The following TLL1 variants were observed in gnomAD, a reference collection of about 807,000 sequenced individuals.
TLL1 encodes tolloid-like protein 1.
A neutral mutation model predicts 128.2 loss-of-function variants in TLL1; 49 were observed. That is an observed-to-expected ratio of 0.38 (90% CI 0.30 to 0.48). The LOEUF is 0.48. TLL1 is among the 20% of genes least tolerant of loss of function. The pLI is 0.96. For synonymous variants in TLL1, 454 were observed against 418.8 expected (o/e 1.08, Z -1.03); for missense variants, 1,123 against 1,242.0 (o/e 0.90, Z 1.44).
At chr4:165,886,220 T>A (rs1442307942) in intron 1 of TLL1, among the ~76,000 whole-genome samples, 1 of 152,202 alleles carries the variant, frequency 6.6e-6, no homozygotes, top group African/African-American at 2.4e-5. Flanking sequence ...AAGTGTTGGC[T>A]GTTTTGTTTA....
At chr4:166,086,112 G>T (rs890912853) in intron 18 of TLL1, among the ~76,000 whole-genome samples, 1 of 152,100 alleles carries the variant, frequency 6.6e-6, no homozygotes, top group Admixed American at 6.6e-5. Flanking sequence ...AAATTCCTAT[G>T]TGCCCTTTGT....
intron 8 of TLL1, among the ~76,000 whole-genome samples, chr4:166,016,186 T>C (rs114849706): frequency 0.012 from 1,806 of 152,176 alleles, 46 homozygotes; most frequent in African/African-American, 0.04. Context: ...ATGTGGTATA[T>C]TTTTTAAAAT....
chr4:165,978,529 AC>A (rs1735994599), intron 1 of TLL1, among the ~76,000 whole-genome samples: 1 of 152,062 alleles, frequency 6.6e-6, no homozygotes, highest in Non-Finnish European at 1.5e-5. Context: ...ACTGCCTACC[AC>A]CAATAATATG....
At chr4:166,015,204 A>G (rs1170132882) in intron 8 of TLL1, among the ~76,000 whole-genome samples, 3 of 152,040 alleles carry the variant, frequency 2.0e-5, no homozygotes, top group Non-Finnish European at 4.4e-5. Context: ...TACCTCCAGT[A>G]TACTCACAAT....
chr4:166,022,916 T>C (rs1738309160), intron 8 of TLL1, among the ~76,000 whole-genome samples: 1 of 152,228 alleles, frequency 6.6e-6, no homozygotes, highest in Admixed American at 6.5e-5. Flanking sequence ...ATATTAATAA[T>C]TCTTTATGCT....
chr4:166,002,349 TG>T (rs1163022723), intron 5 of TLL1, among the ~76,000 whole-genome samples: 1 of 152,178 alleles, frequency 6.6e-6, no homozygotes, highest in Non-Finnish European at 1.5e-5. Context: ...ATGTGAATTT[TG>T]GGGGGATATA....
intron 15 of TLL1, among the ~76,000 whole-genome samples, chr4:166,064,441 G>A (rs1740481691): frequency 6.6e-6 from 1 of 152,098 alleles, no homozygotes; most frequent in Non-Finnish European, 1.5e-5. Flanking sequence ...TGTTCTGAAA[G>A]CATTATTCTC....
At chr4:165,987,982 G>A (rs1402712434) in intron 1 of TLL1, among the ~76,000 whole-genome samples, 2 of 151,958 alleles carry the variant, frequency 1.3e-5, no homozygotes, top group African/African-American at 4.8e-5. Flanking sequence ...CTGAAGAAAG[G>A]TTTAAAAATA....
intron 1 of TLL1, among the ~76,000 whole-genome samples, chr4:165,897,886 G>C (rs904992562): frequency 1.3e-5 from 2 of 151,968 alleles, no homozygotes; most frequent in African/African-American, 4.8e-5. Flanking sequence ...CCATTTGATT[G>C]TGTCCTCTTT....
chr4:166,008,785 C>T (rs528847526), intron 7 of TLL1, among the ~76,000 whole-genome samples: 38 of 150,546 alleles, frequency 2.5e-4, no homozygotes, highest in African/African-American at 9.0e-4. Flanking sequence ...ATTTTATGCT[C>T]GTATGTCATT....
intron 7 of TLL1, among the ~76,000 whole-genome samples, chr4:166,012,758 C>T (rs1054836712): frequency 6.6e-6 from 1 of 151,668 alleles, no homozygotes; most frequent in Non-Finnish European, 1.5e-5. Context: ...GGTCAATTCC[C>T]GTAAATCACT....
At chr4:165,889,206 A>G (rs1731289660) in intron 1 of TLL1, among the ~76,000 whole-genome samples, 1 of 152,192 alleles carries the variant, frequency 6.6e-6, no homozygotes, top group Non-Finnish European at 1.5e-5. Context: ...CAGAACTTAG[A>G]TGTTATGATG....
At chr4:165,881,793 G>A (rs1298880306) in intron 1 of TLL1, among the ~76,000 whole-genome samples, 1 of 152,174 alleles carries the variant, frequency 6.6e-6, no homozygotes, top group East Asian at 1.9e-4. Flanking sequence ...TCAAGTATAT[G>A]CATTGTGACA....
intron 9 of TLL1, among the ~76,000 whole-genome samples, chr4:166,026,462 G>A (rs952403557): frequency 2.0e-5 from 3 of 152,130 alleles, no homozygotes; most frequent in African/African-American, 7.2e-5. Context: ...TGAGGAGGGT[G>A]GATCACCTGA....
intron 1 of TLL1, among the ~76,000 whole-genome samples, chr4:165,926,637 C>T (rs918051583): frequency 3.9e-5 from 6 of 152,154 alleles, no homozygotes; most frequent in Admixed American, 6.5e-5. Context: ...ATCCCTGCTG[C>T]TGTCTTGGAC....
intron 1 of TLL1, among the ~76,000 whole-genome samples, chr4:165,976,222 C>T (rs1735880664): frequency 6.6e-6 from 1 of 151,926 alleles, no homozygotes; most frequent in African/African-American, 2.4e-5. Flanking sequence ...TGCAAGAGAT[C>T]TATTGGAGCC....
chr4:165,991,271 T>C (rs1736625374), intron 2 of TLL1, among the ~76,000 whole-genome samples: 2 of 152,026 alleles, frequency 1.3e-5, no homozygotes, highest in Non-Finnish European at 1.5e-5. Context: ...CAGATCATAC[T>C]GATAATAATA....
chr4:165,943,197 G>T (rs1734097415), intron 1 of TLL1, among the ~76,000 whole-genome samples: 1 of 152,038 alleles, frequency 6.6e-6, no homozygotes, highest in South Asian at 2.1e-4. Context: ...TTTCTTCCTT[G>T]CAGTCTAATT....
intron 1 of TLL1, among the ~76,000 whole-genome samples, chr4:165,917,379 A>T (rs1198621784): frequency 6.6e-6 from 1 of 152,130 alleles, no homozygotes; most frequent in East Asian, 1.9e-4. Context: ...GTATTTCCAG[A>T]TGTGAGAACA....
Sources: allele counts gnomAD v4.1 joint callset (sites outside exome capture counted in the v4.1 genomes callset), GRCh38; gene constraint gnomAD v4.1.1; transcripts MANE v1.5; gene names NCBI Gene and HGNC (gene_info 2026-07-23, HGNC 2026-07-21).